GNS: variants seen among roughly 807,000 people sequenced by gnomAD.
The protein encoded by GNS is glucosamine (N-acetyl)-6-sulfatase.
GNS carries 40 observed loss-of-function variants against 69.7 expected under a neutral mutation model. That is an observed-to-expected ratio of 0.57 (90% confidence interval 0.45 to 0.75). The LOEUF is 0.75. Ranked by LOEUF, GNS falls within the 30% of genes least tolerant of loss-of-function variation. GNS has a pLI of 0.00. For synonymous variants in GNS, 243 were observed against 251.6 expected, an observed-to-expected ratio of 0.97 and a Z score of 0.32; for missense variants, 565 against 685.5, an observed-to-expected ratio of 0.82 and a Z score of 1.96.
chr12:64,752,980 A>C, intron 1 of GNS: 1 of 580,438 alleles, frequency 1.7e-6, no homozygotes, highest in South Asian at 2.1e-5. Context: ...GCAGGAAGGG[A>C]AAGTTCAGTT....
At chr12:64,736,927 C>A in intron 9 of GNS, 77 bp downstream of exon 9, 1 of 806,732 alleles carries the variant, frequency 1.2e-6, no homozygotes, top group Non-Finnish European at 2.2e-6. Flanking sequence ...CCTAACCAAT[C>A]TTATCTCAGG....
intron 2 of GNS, among the ~76,000 whole-genome samples, chr12:64,748,850 G>A (rs1003406057): frequency 1.3e-5 from 2 of 152,140 alleles, no homozygotes; most frequent in Non-Finnish European, 2.9e-5. Flanking sequence ...GAAGGAATGG[G>A]CATTTGAGCA....
In GNS at chr12:64,743,185, T is replaced by C. The variant is rs1450264710; in HGVS notation, c.748A>G (p.Asn250Asp). ...AAPQYQKAFQ[N>D]VFAPRNKNFN... ...TTCTTGTTTCTTGGTGCAAAGACATTCTGGAAAGCCTTCTGGTACTGAGGT... is the reference window on the plus strand; with the variant it reads ...TTCTTGTTTCTTGGTGCAAAGACATCCTGGAAAGCCTTCTGGTACTGAGGT... The change falls in exon 6 of 14, where the codon AAT (asparagine) becomes GAT (aspartate). Residue 250 changes from asparagine to aspartate, a missense_variant. Coordinates refer to ENST00000258145, the MANE Select transcript of GNS (RefSeq NM_002076.4). 1 of 1,613,638 alleles carries C rather than the reference T, an allele frequency of 6.2e-7. No homozygotes were observed. Among genetic ancestry groups the C allele is most frequent in the Admixed American group, 1.7e-5 (1 of 60,006 alleles).
At chr12:64,728,856 A>C (rs370850809) in intron 10 of GNS, 100 bp downstream of exon 10, 3 of 685,942 alleles carry the variant, frequency 4.4e-6, no homozygotes, top group Non-Finnish European at 5.3e-6. Flanking sequence ...TCTGCCCCCA[A>C]ATTTAATAGT....
In GNS at chr12:64,759,090, C is replaced by T; in HGVS notation, c.187G>A (p.Gly63Ser). The T allele has an allele frequency of 6.4e-7, 1 of 1,560,832 alleles. No individual in the cohort carries two copies. The highest frequency in any genetic ancestry group is 8.7e-7 in the Non-Finnish European group (1 of 1,152,160). ...LTDDQDEVLG[G>S]MTPLKKTKAL... ...GGCAGAAACAGAAGAGTTACCATGC[C>T]GCCGAGCACTTCGTCCTGGTCGTCC... Residue 63 changes from glycine (G) to serine (S), a missense_variant, in exon 1 of 14, where the codon GGC becomes AGC. Physicochemically the swap from Gly to Ser is moderately conservative, Grantham distance 56 (BLOSUM62 0). Coordinates refer to ENST00000258145, the MANE Select transcript of GNS (RefSeq NM_002076.4).
rs564894544 is a variant in GNS at position 64,746,677 on chromosome 12, C to G, written c.460-953G>C. ...ATCCACTTAAGGCAGAATTTAATCCCTGAAAACAAAATCTTTATACTTTAA... is the reference window on the plus strand; with the variant it reads ...ATCCACTTAAGGCAGAATTTAATCCGTGAAAACAAAATCTTTATACTTTAA... On this transcript the variant is annotated intron_variant, in intron 3 of 13. Coordinates refer to ENST00000258145, the MANE Select transcript of GNS (RefSeq NM_002076.4). Among the ~76,000 whole-genome samples, 166 of 152,310 alleles carry G rather than the reference C, an allele frequency of 1.1e-3. 1 individual carries two copies. Among genetic ancestry groups the G allele is most frequent in the African/African-American group, 3.9e-3 (161 of 41,582 alleles).
In GNS at chr12:64,714,736, T is replaced by G. The variant is rs1401419146; in HGVS notation, c.*2005A>C. On this transcript the variant is annotated 3_prime_UTR_variant, in exon 14 of 14. Coordinates refer to ENST00000258145, the MANE Select transcript of GNS (RefSeq NM_002076.4). ...ATCACAGTCCAAGACCTGGTAAGAGTTGGTTTCTTTTTATTTGGAAATAAC... is the reference window on the plus strand; with the variant it reads ...ATCACAGTCCAAGACCTGGTAAGAGGTGGTTTCTTTTTATTTGGAAATAAC... The G allele has an allele frequency of 6.6e-6, 1 of 152,126 alleles. No homozygotes were observed. The highest frequency in any genetic ancestry group is 2.4e-5 in the African/African-American group (1 of 41,392). The allele number at this position is 152,126 out of a possible 1,614,324, so 9.4% of individuals were successfully genotyped here. A position where few individuals can be genotyped will look rare whatever the true frequency, so the allele number is the denominator to read the frequency against.
chr12:64,744,598 G>A (rs1021313756), intron 5 of GNS, among the ~76,000 whole-genome samples: 4 of 152,190 alleles, frequency 2.6e-5, no homozygotes, highest in Admixed American at 6.5e-5. Context: ...GGAATTTCAA[G>A]AGCATTAGAT....
chr12:64,736,941 A>G lies in GNS; in HGVS notation c.1098+63T>C, dbSNP rs933600020. Reference sequence around the variant, plus strand: ...ACCTAACCAATCTTATCTCAGGAGGAAACACCTTATTTTCTCAGGCAAGTG... The same window carrying G: ...ACCTAACCAATCTTATCTCAGGAGGGAACACCTTATTTTCTCAGGCAAGTG... On this transcript the variant is annotated intron_variant, in intron 9 of 13. Coordinates refer to ENST00000258145, the MANE Select transcript of GNS (RefSeq NM_002076.4). 3.5e-6 allele frequency: 3 copies of G among 847,760 alleles called. No individual in the cohort carries two copies. The African/African-American group carries it at 5.0e-5, about 14-fold the overall frequency. The allele number at this position is 847,760 out of a possible 1,614,324, so 52.5% of individuals were successfully genotyped here.
chr12:64,714,178 C>G lies in GNS; in HGVS notation c.*2563G>C, dbSNP rs1868792089. 6.6e-6 allele frequency: 1 copy of G among 152,150 alleles called. No individual in the cohort carries two copies. The highest frequency in any genetic ancestry group is 6.5e-5 in the Admixed American group (1 of 15,278). The allele number at this position is 152,150 out of a possible 1,614,324, so 9.4% of individuals were successfully genotyped here. ...ACCATTTGTCAAATTCAAAGATGCT[C>G]AAAAGGTGTTCCCTACTTTGCATGA... is the stretch of plus-strand genomic sequence containing the variant. On this transcript the variant is annotated 3_prime_UTR_variant, in exon 14 of 14. Coordinates refer to ENST00000258145, the MANE Select transcript of GNS (RefSeq NM_002076.4).
intron 4 of GNS, among the ~76,000 whole-genome samples, chr12:64,745,204 CTTTTTTTTT>C (rs141453545): frequency 4.5e-4 from 19 of 42,298 alleles, no homozygotes; most frequent in South Asian, 1.3e-3. Context: ...AGTCAATAGA[CTTTTTTTTT>C]TTTTTTTTTT....
chr12:64,717,001 C>G (rs868240931), intron 13 of GNS, among the ~76,000 whole-genome samples, 182 bp from the exon 14 acceptor site: 13 of 152,192 alleles, frequency 8.5e-5, no homozygotes, highest in African/African-American at 2.7e-4. Flanking sequence ...TATCACCAGT[C>G]AGCACACACA....
At chr12:64,752,865 G>C in intron 1 of GNS, 108 bp from the exon 2 acceptor site, 1 of 721,838 alleles carries the variant, frequency 1.4e-6, no homozygotes, top group Non-Finnish European at 2.5e-6. Context: ...ATTCCCAAAT[G>C]GTCAGCTCTA....
At chr12:64,758,702 G>C (rs1870357244) in intron 1 of GNS, among the ~76,000 whole-genome samples, 1 of 152,078 alleles carries the variant, frequency 6.6e-6, no homozygotes, top group Non-Finnish European at 1.5e-5. Context: ...CCTCATAAAG[G>C]GGACTGGACT....
At chr12:64,721,369 A>G (rs564467410) in intron 12 of GNS, among the ~76,000 whole-genome samples, 3 of 152,350 alleles carry the variant, frequency 2.0e-5, no homozygotes, top group East Asian at 1.9e-4. Flanking sequence ...TTTAAAGTGT[A>G]TATTTGGGTG....
chr12:64,747,783 T>G lies in GNS; in HGVS notation c.388A>C (p.Asn130His). ...SKSWQKIQEP[N>H]TFPAILRSMC... ...GATCTGAGAATTGCTGGGAAAGTAT[T>G]TGGTTCTTGGATCTTCTGCCAGGAC... The change falls in exon 3 of 14, where the codon AAT becomes CAT. Residue 130 changes from asparagine to histidine, a missense_variant. Coordinates refer to ENST00000258145, the MANE Select transcript of GNS (RefSeq NM_002076.4). The G allele has an allele frequency of 6.2e-7, 1 of 1,612,800 alleles. No homozygotes were observed. The highest frequency in any genetic ancestry group is 2.2e-5 in the East Asian group (1 of 44,874).
At chr12:64,747,964 T>TG in intron 2 of GNS, 46 bp from the exon 3 acceptor site, 1 of 995,612 alleles carries the variant, frequency 1.0e-6, no homozygotes, top group Non-Finnish European at 1.6e-6. Flanking sequence ...ACAAGAAAGA[T>TG]GGACTTCTCA....
intron 2 of GNS, among the ~76,000 whole-genome samples, 194 bp from the exon 3 acceptor site, chr12:64,748,112 G>A (rs1448187387): frequency 1.3e-5 from 2 of 152,188 alleles, no homozygotes; most frequent in Admixed American, 1.3e-4. Context: ...CATTAAAGCA[G>A]ACAGAACAAA....
chr12:64,756,632 T>C (rs1870256451), intron 1 of GNS: 1 of 769,680 alleles, frequency 1.3e-6, no homozygotes, highest in African/African-American at 1.7e-5. Context: ...AGGACTCCTG[T>C]GATGACTGAA....
Sources: allele counts gnomAD v4.1 joint callset (sites outside exome capture counted in the v4.1 genomes callset), GRCh38; gene constraint gnomAD v4.1.1; transcripts MANE v1.5; gene names NCBI Gene and HGNC (gene_info 2026-07-23, HGNC 2026-07-21).